The following NOX4 variants were observed in gnomAD, a reference collection of about 807,000 sequenced individuals.
NOX4 encodes NADPH oxidase 4.
Under a neutral mutation model 87.6 loss-of-function variants are expected in NOX4, and 69 were observed. The observed-to-expected ratio is 0.79, with a 90% CI of 0.65 to 0.96. NOX4 has a LOEUF of 0.96. NOX4 is among the 40% of genes least tolerant of loss of function. The probability of loss-of-function intolerance (pLI) is 0.00; values close to 1 mark genes in which losing one functional copy is unlikely to be tolerated. For synonymous variants in NOX4, 275 were observed against 238.2 expected, an observed-to-expected ratio of 1.15 and a Z score of -1.42; for missense variants, 680 against 681.5, an observed-to-expected ratio of 1.00 and a Z score of 0.02.
chr11:89,582,685 T>G, the NOX4 span, among the ~76,000 whole-genome samples: 2 of 152,214 alleles, frequency 1.3e-5, no homozygotes, highest in Non-Finnish European at 2.9e-5. Flanking sequence ...ATTTTGCTTC[T>G]CCAGGTTCCC....
chr11:89,397,424 C>A lies in NOX4; in HGVS notation c.1074+2593G>T, dbSNP rs1941565590. Among the ~76,000 whole-genome samples the A allele has an allele frequency of 3.3e-5, 5 of 152,114 alleles. No homozygotes were observed. The South Asian group carries it at 1.0e-3, about 32-fold the overall frequency. On this transcript the variant is annotated intron_variant, in intron 11 of 17. Coordinates refer to ENST00000263317, the MANE Select transcript of NOX4 (RefSeq NM_016931.5). ...ATTAAATGAACTAGAGAAGCAAGAG[C>A]AAACGAATACAAAAGCTAGCAGAAG...
chr11:89,562,539 G>A, the NOX4 span, among the ~76,000 whole-genome samples: 302 of 152,106 alleles, frequency 2.0e-3, 2 homozygotes, highest in African/African-American at 7.1e-3. Context: ...TCAGCCTAAA[G>A]TACTTAACAT....
At chr11:89,534,406 G>A in the NOX4 span, among the ~76,000 whole-genome samples, 4 of 152,162 alleles carry the variant, frequency 2.6e-5, no homozygotes, top group Non-Finnish European at 5.9e-5. Context: ...ATGATCTATA[G>A]GCTTGACCCT....
intron 11 of NOX4, among the ~76,000 whole-genome samples, chr11:89,389,276 A>T (rs1940947560): frequency 6.6e-6 from 1 of 152,158 alleles, no homozygotes; most frequent in Non-Finnish European, 1.5e-5. Context: ...TAAATAATCA[A>T]AACTCCAACC....
chr11:89,421,864 G>A, intron 8 of NOX4, 38 bp downstream of exon 8: 2 of 1,259,056 alleles, frequency 1.6e-6, no homozygotes, highest in South Asian at 1.4e-5. Context: ...CCATTTTGGG[G>A]CACAAATGGT....
chr11:89,440,544 C>T (rs959146311), intron 6 of NOX4, 144 bp downstream of exon 6: 5 of 442,762 alleles, frequency 1.1e-5, no homozygotes, highest in African/African-American at 6.2e-5. Context: ...AGGCTGGTTT[C>T]GAGTTCCTGA....
At chr11:89,481,873 T>G (rs1946403822) in intron 2 of NOX4, among the ~76,000 whole-genome samples, 1 of 152,078 alleles carries the variant, frequency 6.6e-6, no homozygotes, top group Non-Finnish European at 1.5e-5. Flanking sequence ...TATATACAAC[T>G]ATGACTAGGA....
chr11:89,382,654 A>C (rs1299124683), intron 11 of NOX4, among the ~76,000 whole-genome samples: 2 of 151,338 alleles, frequency 1.3e-5, no homozygotes, highest in Non-Finnish European at 2.9e-5. Context: ...TCCTCAGGTC[A>C]CTCCCTGCCA....
chr11:89,451,825 A>C lies in NOX4; in HGVS notation c.224T>G (p.Met75Arg). 6.2e-7 allele frequency: 1 copy of C among 1,613,438 alleles called. No individual in the cohort carries two copies. Among genetic ancestry groups the C allele is most frequent in the South Asian group, 1.1e-5 (1 of 91,082 alleles). ...NLNCSLILLP[M>R]CRTLLAYLRG... ...GAGGTAAGCCAAGAGTGTTCGGCAC[A>C]TGGGTAAAAGGATAAGGCTGCAGTT... The change falls in exon 3 of 18, where the codon ATG becomes AGG. Residue 75 changes from methionine (M) to arginine (R), a missense_variant. Physicochemically the swap from Met to Arg is moderately conservative, Grantham distance 91. Transcript: ENST00000263317.
chr11:89,564,104 A>T, the NOX4 span, among the ~76,000 whole-genome samples: 32 of 152,298 alleles, frequency 2.1e-4, no homozygotes, highest in South Asian at 2.5e-3. Context: ...TAAAAGATCT[A>T]CTAATAATAG....
the NOX4 span, among the ~76,000 whole-genome samples, chr11:89,512,693 A>G: frequency 6.6e-6 from 1 of 152,110 alleles, no homozygotes; most frequent in Non-Finnish European, 1.5e-5. Flanking sequence ...GGTTGTTTCC[A>G]TATCTTGGCT....
chr11:89,437,117 C>G (rs374019774), intron 6 of NOX4, among the ~76,000 whole-genome samples: 1 of 151,942 alleles, frequency 6.6e-6, no homozygotes, highest in Non-Finnish European at 1.5e-5. Flanking sequence ...AATCTGAGCA[C>G]TTTGGGAGGC....
chr11:89,513,394 C>G, the NOX4 span, among the ~76,000 whole-genome samples: 1 of 151,442 alleles, frequency 6.6e-6, no homozygotes, highest in African/African-American at 2.4e-5. Context: ...CTATGGAATA[C>G]TTGACTTTAA....
At chr11:89,564,728 G>T in the NOX4 span, among the ~76,000 whole-genome samples, 8 of 145,794 alleles carry the variant, frequency 5.5e-5, no homozygotes, top group African/African-American at 7.7e-5. Context: ...GGAGTTTTTT[G>T]TTGTTGTTGT....
the NOX4 span, among the ~76,000 whole-genome samples, chr11:89,523,090 T>C: frequency 6.6e-6 from 1 of 152,060 alleles, no homozygotes; most frequent in African/African-American, 2.4e-5. Context: ...AGTGGCGCGA[T>C]TTTGGATCAC....
At chr11:89,505,985 C>T in the NOX4 span, among the ~76,000 whole-genome samples, 3 of 151,704 alleles carry the variant, frequency 2.0e-5, no homozygotes, top group African/African-American at 7.3e-5. Flanking sequence ...CTGCTACTGT[C>T]TTGAGAGAGT....
At chr11:89,549,185 T>C in the NOX4 span, among the ~76,000 whole-genome samples, 1 of 152,220 alleles carries the variant, frequency 6.6e-6, no homozygotes, top group Non-Finnish European at 1.5e-5. Flanking sequence ...TTTAGATTAT[T>C]TACTATCATT....
the NOX4 span, among the ~76,000 whole-genome samples, chr11:89,510,385 T>G: frequency 6.6e-6 from 1 of 152,080 alleles, no homozygotes; most frequent in Non-Finnish European, 1.5e-5. Flanking sequence ...AATATGAAAC[T>G]TACAAAATAC....
intron 8 of NOX4, among the ~76,000 whole-genome samples, chr11:89,404,057 T>A (rs1293338452): frequency 2.0e-5 from 3 of 152,114 alleles, no homozygotes; most frequent in African/African-American, 2.4e-5. Context: ...ACATTTTTTT[T>A]AAAGTAATAC....
Sources: allele counts gnomAD v4.1 joint callset (sites outside exome capture counted in the v4.1 genomes callset), GRCh38; gene constraint gnomAD v4.1.1; transcripts MANE v1.5; gene names NCBI Gene and HGNC (gene_info 2026-07-23, HGNC 2026-07-21).